Variants in ZNF362 observed in about 807,000 individuals in gnomAD.
The protein encoded by ZNF362 is zinc finger protein 362.
In ZNF362, 11 loss-of-function variants were observed where a neutral mutation model predicts 42.9. The ratio of observed to expected loss-of-function variants is 0.26; its 90% CI spans 0.16 to 0.42. ZNF362 has a LOEUF of 0.42. Ranked by LOEUF, ZNF362 falls within the 20% of genes least tolerant of loss-of-function variation. The probability of loss-of-function intolerance (pLI) is 1.00; values close to 1 mark genes in which losing one functional copy is unlikely to be tolerated. For missense variants in ZNF362, 362 were observed against 576.2 expected (o/e 0.63, Z 3.81); for synonymous variants, 255 against 257.3 (o/e 0.99, Z 0.09).
At chr1:33,201,601 T>C in the ZNF362 span, among the ~76,000 whole-genome samples, 334 of 152,300 alleles carry the variant, frequency 2.2e-3, 2 homozygotes, top group Non-Finnish European at 4.0e-3. Flanking sequence ...ATTAAAATGG[T>C]AATACACATA....
At chr1:33,147,685 C>T in the ZNF362 span, 10 of 1,613,360 alleles carry the variant, frequency 6.2e-6, no homozygotes, top group African/African-American at 1.3e-5. The surrounding 1 kb of genome is among the most constrained non-coding windows in gnomAD (Gnocchi z 8.1). Flanking sequence ...CAGGATCAGG[C>T]GCTGGTGGGC....
chr1:33,129,892 T>C, the ZNF362 span, among the ~76,000 whole-genome samples: 1 of 152,138 alleles, frequency 6.6e-6, no homozygotes, highest in African/African-American at 2.4e-5. This position sits in a 1 kb window ranked among gnomAD's most constrained non-coding sequence, Gnocchi z 4.1. Context: ...GGAGTTTTGC[T>C]TTTGTTGGTC....
At chr1:33,147,514 A>G in the ZNF362 span, 1 of 1,613,148 alleles carries the variant, frequency 6.2e-7, no homozygotes, top group African/African-American at 1.3e-5. This position sits in a 1 kb window ranked among gnomAD's most constrained non-coding sequence, Gnocchi z 8.1. Flanking sequence ...CAGCCCGATC[A>G]CCCACTGGGT....
chr1:33,290,942 T>A (rs1458130614), intron 6 of ZNF362, among the ~76,000 whole-genome samples: 1 of 152,208 alleles, frequency 6.6e-6, no homozygotes. Flanking sequence ...TTGTTTGAGT[T>A]CTTTGTAGAT....
the ZNF362 span, among the ~76,000 whole-genome samples, chr1:33,168,009 A>T: frequency 2.0e-5 from 3 of 152,202 alleles, 1 homozygote; most frequent in Non-Finnish European, 4.4e-5. Context: ...CAAACAAGGA[A>T]AATAATAAAG....
the ZNF362 span, among the ~76,000 whole-genome samples, chr1:33,189,696 T>TATATAC: frequency 2.1e-5 from 2 of 94,238 alleles, no homozygotes; most frequent in East Asian, 3.3e-4. Flanking sequence ...TATATATATA[T>TATATAC]ACACATATAT....
At chr1:33,283,717 A>G (rs1179210442) in intron 6 of ZNF362, among the ~76,000 whole-genome samples, 4 of 152,220 alleles carry the variant, frequency 2.6e-5, no homozygotes, top group Non-Finnish European at 5.9e-5. Flanking sequence ...AAGAAAAAAA[A>G]TAATAAAAGA....
At chr1:33,135,016 G>A in the ZNF362 span, among the ~76,000 whole-genome samples, 10 of 152,274 alleles carry the variant, frequency 6.6e-5, no homozygotes, top group East Asian at 1.5e-3. Flanking sequence ...TCTGGGCGCC[G>A]TGGCTCATGC....
the ZNF362 span, among the ~76,000 whole-genome samples, chr1:33,250,288 T>C: frequency 1.3e-5 from 2 of 151,784 alleles, no homozygotes; most frequent in African/African-American, 4.8e-5. Flanking sequence ...CTGTAGGGGG[T>C]CCAAGTAGAA....
chr1:33,199,630 C>T, the ZNF362 span, among the ~76,000 whole-genome samples: 1 of 152,084 alleles, frequency 6.6e-6, no homozygotes, highest in African/African-American at 2.4e-5. Flanking sequence ...AAAAATAATG[C>T]CTTTTAAAAA....
the ZNF362 span, among the ~76,000 whole-genome samples, chr1:33,223,257 C>CA: frequency 6.6e-6 from 1 of 152,002 alleles, no homozygotes; most frequent in African/African-American, 2.4e-5. Flanking sequence ...CTCAAAAAAA[C>CA]AAAAACCAAA....
At chr1:33,179,089 A>T in the ZNF362 span, among the ~76,000 whole-genome samples, 1 of 152,228 alleles carries the variant, frequency 6.6e-6, no homozygotes, top group African/African-American at 2.4e-5. Context: ...CTCACTTTCC[A>T]TTCCTACATG....
the ZNF362 span, among the ~76,000 whole-genome samples, chr1:33,237,688 A>G: frequency 6.6e-6 from 1 of 152,184 alleles, no homozygotes; most frequent in Non-Finnish European, 1.5e-5. Flanking sequence ...GATGTACATC[A>G]GACCCATTTC....
At chr1:33,250,893 A>AAGAAGAAGAAGAAGAAGAAGAAGAAGG in the ZNF362 span, among the ~76,000 whole-genome samples, 1 of 150,006 alleles carries the variant, frequency 6.7e-6, no homozygotes, top group Non-Finnish European at 1.5e-5. Flanking sequence ...GAAGAAGAAG[A>AAGAAGAAGAAGAAGAAGAAGAAGAAGG]AGGAGAAGAA....
At chr1:33,189,685 G>GTA in the ZNF362 span, among the ~76,000 whole-genome samples, 20 of 10,948 alleles carry the variant, frequency 1.8e-3, no homozygotes, top group African/African-American at 4.7e-3. Flanking sequence ...ATATATATAC[G>GTA]TATATATATA....
At chr1:33,292,922 G>A (rs1232461698) in intron 6 of ZNF362, among the ~76,000 whole-genome samples, 4 of 152,216 alleles carry the variant, frequency 2.6e-5, no homozygotes, top group Admixed American at 2.6e-4. Context: ...CCTGAAACAT[G>A]TGACATCCAG....
At chr1:33,141,511 A>G in the ZNF362 span, among the ~76,000 whole-genome samples, 13 of 150,332 alleles carry the variant, frequency 8.6e-5, no homozygotes, top group African/African-American at 3.3e-4. Context: ...ATTCGATCAC[A>G]TCTAGTCTCA....
intron 2 of ZNF362, among the ~76,000 whole-genome samples, chr1:33,274,702 C>T (rs1233907479): frequency 6.6e-6 from 1 of 152,196 alleles, no homozygotes; most frequent in African/African-American, 2.4e-5. Context: ...GGCATTTGCT[C>T]TTCCAAAGAC....
chr1:33,185,917 A>C, the ZNF362 span, among the ~76,000 whole-genome samples: 7 of 152,184 alleles, frequency 4.6e-5, no homozygotes, highest in Non-Finnish European at 7.3e-5. Context: ...ACTATATTCT[A>C]ATTGTGTTCT....
Sources: gnomAD v4.1 joint callset for allele counts (sites outside exome capture counted in the v4.1 genomes callset) on GRCh38, gnomAD v4.1.1 for gene constraint, Gnocchi (gnomAD v3.1) non-coding constraint, MANE v1.5 for transcripts, NCBI Gene and HGNC (gene_info 2026-07-23, HGNC 2026-07-21) for gene names.